MSRA: variants seen among roughly 807,000 people sequenced by gnomAD.
MSRA encodes the protein methionine sulfoxide reductase A, also known as mitochondrial peptide methionine sulfoxide reductase.
MSRA carries 54 observed loss-of-function variants against 31.3 expected under a neutral mutation model. The ratio of observed to expected loss-of-function variants is 1.73; its 90% CI spans 1.39 to 2.17. The LOEUF is 2.17. Ranked by LOEUF, MSRA falls within the 30% of genes most tolerant of loss-of-function variation. The probability of loss-of-function intolerance (pLI) is 0.00; values close to 1 mark genes in which losing one functional copy is unlikely to be tolerated. For missense variants in MSRA, 507 were observed against 300.9 expected, an observed-to-expected ratio of 1.69 and a Z score of -5.07; for synonymous variants, 169 against 116.5, an observed-to-expected ratio of 1.45 and a Z score of -2.90.
At chr8:10,397,581 T>C (rs145779221) in intron 5 of MSRA, among the ~76,000 whole-genome samples, 7 of 152,304 alleles carry the variant, frequency 4.6e-5, no homozygotes, top group African/African-American at 1.7e-4. Context: ...ACATCTTTCA[T>C]TGGTCTTCAT....
intron 2 of MSRA, among the ~76,000 whole-genome samples, chr8:10,229,847 A>C (rs1811315485): frequency 6.6e-6 from 1 of 152,134 alleles, no homozygotes; most frequent in Non-Finnish European, 1.5e-5. Context: ...GAGGAAAGGG[A>C]GAGGTGAAAT....
chr8:10,163,166 C>A (rs1443795844), intron 1 of MSRA, among the ~76,000 whole-genome samples: 1 of 152,172 alleles, frequency 6.6e-6, no homozygotes, highest in Non-Finnish European at 1.5e-5. Flanking sequence ...ACCATGCTGG[C>A]ACCTTGATCT....
intron 2 of MSRA, among the ~76,000 whole-genome samples, chr8:10,218,112 T>TTTTA (rs1810158906): frequency 2.9e-5 from 4 of 140,104 alleles, no homozygotes; most frequent in African/African-American, 8.0e-5. Context: ...CCGGTTCCTT[T>TTTTA]TCTATTTATT....
intron 1 of MSRA, among the ~76,000 whole-genome samples, chr8:10,073,563 T>C (rs1797845858): frequency 3.2e-5 from 1 of 31,740 alleles, no homozygotes; most frequent in Non-Finnish European, 1.3e-4. Flanking sequence ...TTTTTCTTTC[T>C]TTTTTTCCAA....
chr8:10,387,248 A>G (rs1365787167), intron 5 of MSRA, among the ~76,000 whole-genome samples: 1 of 152,268 alleles, frequency 6.6e-6, no homozygotes, highest in Non-Finnish European at 1.5e-5. Context: ...CTCTATTTGA[A>G]CAGTTCTATA....
chr8:10,218,548 A>G (rs923881388), intron 2 of MSRA, among the ~76,000 whole-genome samples: 11 of 152,174 alleles, frequency 7.2e-5, no homozygotes, highest in Admixed American at 3.9e-4. Flanking sequence ...AGCATTTTTT[A>G]AATTTGTGAG....
At chr8:10,322,310 G>A (rs1179941579) in intron 5 of MSRA, among the ~76,000 whole-genome samples, 2 of 147,030 alleles carry the variant, frequency 1.4e-5, no homozygotes, top group African/African-American at 2.5e-5. Flanking sequence ...AGGGAGATGA[G>A]TTGGGCAGCT....
chr8:10,152,038 T>G (rs1299445405), intron 1 of MSRA, among the ~76,000 whole-genome samples: 1 of 152,330 alleles, frequency 6.6e-6, no homozygotes, highest in South Asian at 2.1e-4. Context: ...AGTTTCTTAT[T>G]TCAATGTGTA....
At chr8:10,408,067 C>G (rs565373273) in intron 5 of MSRA, among the ~76,000 whole-genome samples, 28 of 152,232 alleles carry the variant, frequency 1.8e-4, no homozygotes, top group South Asian at 6.2e-4. Flanking sequence ...AGAGTAATCA[C>G]GAGACCAGGA....
chr8:10,193,905 A>C (rs1183268389), intron 1 of MSRA, among the ~76,000 whole-genome samples: 2 of 152,202 alleles, frequency 1.3e-5, no homozygotes, highest in African/African-American at 4.8e-5. Context: ...ACTTATTGAA[A>C]ATCAATTGAG....
chr8:10,245,353 A>G (rs4841293), intron 3 of MSRA, 130 bp downstream of exon 3: 471,401 of 722,014 alleles, frequency 0.65, 160,758 homozygotes, highest in Non-Finnish European at 0.71. Context: ...TATTATTTGT[A>G]TATATATACT....
chr8:10,365,139 A>G (rs1175906599), intron 5 of MSRA, among the ~76,000 whole-genome samples: 1 of 141,976 alleles, frequency 7.0e-6, no homozygotes, highest in Non-Finnish European at 1.5e-5. Flanking sequence ...TCTGTGAAGC[A>G]ACCAAAAAAA....
At chr8:10,206,131 G>A (rs1381287106) in intron 1 of MSRA, among the ~76,000 whole-genome samples, 1 of 152,148 alleles carries the variant, frequency 6.6e-6, no homozygotes, top group Non-Finnish European at 1.5e-5. Context: ...ATGGGTCAAG[G>A]CAAATGTTTT....
chr8:10,128,404 A>C (rs1437958527), intron 1 of MSRA, among the ~76,000 whole-genome samples: 4 of 152,148 alleles, frequency 2.6e-5, no homozygotes, highest in Admixed American at 2.6e-4. Flanking sequence ...ATTCTGTCTA[A>C]ATTCCAGTGA....
chr8:10,166,235 C>T (rs1805107527), intron 1 of MSRA, among the ~76,000 whole-genome samples: 1 of 152,146 alleles, frequency 6.6e-6, no homozygotes, highest in African/African-American at 2.4e-5. Context: ...TTTGGTTTCT[C>T]AGGTAGCAGG....
chr8:10,301,500 G>A (rs1338336810), intron 3 of MSRA, 34 bp from the exon 4 acceptor site: 2 of 1,547,322 alleles, frequency 1.3e-6, no homozygotes, highest in South Asian at 1.2e-5. Flanking sequence ...GATGTTGTCA[G>A]TAAATTTCGG....
At chr8:10,197,602 C>G (rs79465786) in intron 1 of MSRA, among the ~76,000 whole-genome samples, 2,761 of 152,228 alleles carry the variant, frequency 0.018, 87 homozygotes, top group African/African-American at 0.062. Context: ...CACATTCTAA[C>G]TGTGATGGGG....
chr8:10,068,975 T>G, intron 1 of MSRA, among the ~76,000 whole-genome samples: 1 of 152,230 alleles, frequency 6.6e-6, no homozygotes, highest in East Asian at 1.9e-4. Context: ...TTTAGTCTTG[T>G]TCTTAGGGAT....
At chr8:10,111,906 G>A (rs1435843030) in intron 1 of MSRA, among the ~76,000 whole-genome samples, 1 of 152,188 alleles carries the variant, frequency 6.6e-6, no homozygotes, top group East Asian at 1.9e-4. Context: ...CTCAAGTGGG[G>A]ACCAGCTGGT....
Sources: gnomAD v4.1 joint callset for allele counts (sites outside exome capture counted in the v4.1 genomes callset) on GRCh38, gnomAD v4.1.1 for gene constraint, MANE v1.5 for transcripts, NCBI Gene and HGNC (gene_info 2026-07-23, HGNC 2026-07-21) for gene names.